The following MRC1 variants were observed in gnomAD, a reference collection of about 807,000 sequenced individuals.
MRC1 encodes the protein mannose receptor C-type 1.
MRC1 carries 62 observed loss-of-function variants against 102.9 expected under a neutral mutation model. The observed-to-expected ratio is 0.60, with a 90% CI of 0.49 to 0.74. The LOEUF (loss-of-function observed/expected upper bound fraction) is 0.74, where lower values mean the gene tolerates loss of function less well. Ranked by LOEUF, MRC1 falls within the 30% of genes least tolerant of loss-of-function variation. The probability of loss-of-function intolerance (pLI) is 0.00; values close to 1 mark genes in which losing one functional copy is unlikely to be tolerated. For synonymous variants in MRC1, 457 were observed against 298.4 expected (o/e 1.53, Z -5.48); for missense variants, 1,237 against 862.8 (o/e 1.43, Z -5.43).
chr10:17,900,818 T>G lies in MRC1; in HGVS notation c.3514T>G (p.Trp1172Gly). The stretch of plus-strand genomic sequence containing the variant: ...TAATCAATACACTTGGACTGATAAG[T>G]GGAGGGTGAGGTACACTAACTGGGC... Reference protein sequence around the residue: ...TDNQYTWTDKWRVRYTNWAAD... With the variant: ...TDNQYTWTDKGRVRYTNWAAD... Residue 1172 changes from tryptophan (W) to glycine (G), a missense_variant, in exon 25 of 30, where the codon TGG (tryptophan) becomes GGG (glycine). Physicochemically the swap from Trp to Gly is radical, Grantham distance 184. Coordinates refer to ENST00000569591, the MANE Select transcript of MRC1 (RefSeq NM_002438.4). 2.6e-6 allele frequency: 2 copies of G among 780,796 alleles called. No individual in the cohort carries two copies. Among genetic ancestry groups the G allele is most frequent in the Non-Finnish European group, 4.8e-6 (2 of 417,940 alleles). The allele number at this position is 780,796 out of a possible 1,614,324, so 48.4% of individuals were successfully genotyped here. A position where few individuals can be genotyped will look rare whatever the true frequency, so the allele number is the denominator to read the frequency against.
chr10:17,848,612 T>G (rs1838865210), intron 6 of MRC1, among the ~76,000 whole-genome samples: 2 of 152,196 alleles, frequency 1.3e-5, no homozygotes, highest in Non-Finnish European at 2.9e-5. Flanking sequence ...CTCTATTCTT[T>G]TCTAGTTCAG....
In MRC1 at chr10:17,825,358, T is replaced by C. The variant is rs916818845; in HGVS notation, c.463+1883T>C. ...AAGAAGAAGACAAATTGACTGCAGT[T>C]ACATGATGTGTCAGTGGGGTAGTTG... On this transcript the variant is annotated intron_variant, in intron 2 of 29. Transcript: ENST00000569591. 2.0e-4 allele frequency among the ~76,000 whole-genome samples: 30 copies of C among 152,272 alleles called. 1 individual carries two copies. The East Asian group carries it at 3.1e-3, about 16-fold the overall frequency.
intron 11 of MRC1, 135 bp downstream of exon 11, chr10:17,863,817 C>T (rs1833222126): frequency 9.1e-6 from 6 of 657,330 alleles, no homozygotes; most frequent in Non-Finnish European, 1.4e-5. Flanking sequence ...ATATTTCATT[C>T]TCTTTTCGTT....
chr10:17,908,493 C>T (rs1034941994), intron 28 of MRC1, among the ~76,000 whole-genome samples: 34 of 151,476 alleles, frequency 2.2e-4, no homozygotes, highest in South Asian at 4.2e-4. Context: ...TAGAATTTGG[C>T]GGGTCTTTAG....
At chr10:17,864,892 C>T (rs1287147843) in intron 11 of MRC1, among the ~76,000 whole-genome samples, 1 of 149,532 alleles carries the variant, frequency 6.7e-6, no homozygotes, top group Non-Finnish European at 1.5e-5. Context: ...GACTAGAAAG[C>T]TTCCAAGCAT....
Position 17,876,036 on chromosome 10 carries a change from A to T in MRC1, c.2550+783A>T, listed in dbSNP as rs1015664548. On this transcript the variant is annotated intron_variant, in intron 17 of 29. Transcript: ENST00000569591. ...AATTTGTGATGTTGAGCATTTTTTC[A>T]TAGAACATCATTGATTTAAGGATGG... Among the ~76,000 whole-genome samples the T allele has an allele frequency of 5.7e-3, 863 of 152,230 alleles. 2 individuals carry two copies. Among genetic ancestry groups the T allele is most frequent in the Non-Finnish European group, 9.5e-3 (645 of 68,016 alleles).
chr10:17,821,769 G>A (rs996941119), intron 1 of MRC1, among the ~76,000 whole-genome samples: 3 of 152,118 alleles, frequency 2.0e-5, no homozygotes, highest in East Asian at 1.9e-4. Context: ...ACTGAAGGAC[G>A]CTACTAGTGG....
At chr10:17,867,064 C>T (rs1833279705) in intron 12 of MRC1, among the ~76,000 whole-genome samples, 1 of 151,500 alleles carries the variant, frequency 6.6e-6, no homozygotes, top group South Asian at 2.1e-4. Flanking sequence ...TCTAGATCTG[C>T]CTCCCTCCAT....
chr10:17,847,672 C>A (rs919306752), intron 6 of MRC1, among the ~76,000 whole-genome samples: 9 of 152,262 alleles, frequency 5.9e-5, no homozygotes, highest in Non-Finnish European at 1.3e-4. Context: ...AGCCACTTAA[C>A]CGCATGTGGC....
intron 22 of MRC1, among the ~76,000 whole-genome samples, chr10:17,887,136 A>C (rs1420401798): frequency 1.3e-5 from 2 of 152,060 alleles, no homozygotes; most frequent in African/African-American, 2.4e-5. Flanking sequence ...TTACTTCTCT[A>C]ATAACATTGC....
intron 2 of MRC1, among the ~76,000 whole-genome samples, chr10:17,824,862 G>A (rs1156442698): frequency 6.6e-6 from 1 of 152,012 alleles, no homozygotes; most frequent in Non-Finnish European, 1.5e-5. Context: ...TTGGTTTTGA[G>A]ACAAATATAC....
intron 1 of MRC1, among the ~76,000 whole-genome samples, chr10:17,812,242 A>G (rs367834034): frequency 0.17 from 26,002 of 151,922 alleles, 2,282 homozygotes; most frequent in East Asian, 0.21. Flanking sequence ...TTCTTGCCGC[A>G]CTATCTTTTT....
chr10:17,814,089 A>G (rs1838269369), intron 1 of MRC1, among the ~76,000 whole-genome samples: 1 of 152,182 alleles, frequency 6.6e-6, no homozygotes. Flanking sequence ...AGGGACCCAT[A>G]GCTTCCCATA....
Position 17,902,123 on chromosome 10 carries a change from G to T in MRC1, c.3799+1G>T. ...GCTTCTCTGGAATGTCTTCGAATGG[G>T]TGAGTGCCACATTTCCTGAAGGAAA... is the stretch of plus-strand genomic sequence containing the variant. On this transcript the variant is annotated splice_donor_variant, in intron 26 of 29. Coordinates refer to ENST00000569591, the MANE Select transcript of MRC1 (RefSeq NM_002438.4). LOFTEE classifies it high-confidence loss of function. The T allele has an allele frequency of 1.3e-6, 1 of 779,196 alleles. No homozygotes were observed. The allele number at this position is 779,196 out of a possible 1,614,324, so 48.3% of individuals were successfully genotyped here. A position where few individuals can be genotyped will look rare whatever the true frequency, so the allele number is the denominator to read the frequency against.
chr10:17,867,970 T>C (rs968338961), intron 12 of MRC1, among the ~76,000 whole-genome samples: 2 of 152,190 alleles, frequency 1.3e-5, no homozygotes, highest in South Asian at 4.1e-4. Flanking sequence ...AAATGACAAT[T>C]CAATATTCTA....
At chr10:17,839,553 A>G (rs2130623553) in intron 4 of MRC1, among the ~76,000 whole-genome samples, 1 of 152,284 alleles carries the variant, frequency 6.6e-6, no homozygotes, top group African/African-American at 2.4e-5. Flanking sequence ...TGTACCCTGT[A>G]GTCCCAGCTA....
intron 5 of MRC1, among the ~76,000 whole-genome samples, chr10:17,842,230 C>T (rs1315731773): frequency 1.3e-5 from 2 of 152,198 alleles, no homozygotes; most frequent in African/African-American, 4.8e-5. Context: ...TCCCAGAGTG[C>T]TGGGATTACA....
chr10:17,835,115 C>CTT, intron 4 of MRC1, among the ~76,000 whole-genome samples: 1 of 152,276 alleles, frequency 6.6e-6, no homozygotes, highest in East Asian at 1.9e-4. Flanking sequence ...TCTTGGATTC[C>CTT]TTGTTTTTCC....
At chr10:17,811,304 G>A (rs1299587227) in intron 1 of MRC1, among the ~76,000 whole-genome samples, 1 of 152,126 alleles carries the variant, frequency 6.6e-6, no homozygotes, top group African/African-American at 2.4e-5. Flanking sequence ...ATACTGGGCA[G>A]CACAGACACA....
Sources: allele counts gnomAD v4.1 joint callset (sites outside exome capture counted in the v4.1 genomes callset), GRCh38; gene constraint gnomAD v4.1.1; transcripts MANE v1.5; gene names NCBI Gene and HGNC (gene_info 2026-07-23, HGNC 2026-07-21).